TMCC1: variants seen among roughly 807,000 people sequenced by gnomAD.
TMCC1 encodes the protein transmembrane and coiled-coil domains protein 1.
In TMCC1, 15 loss-of-function variants were observed where a neutral mutation model predicts 52.4. That is an observed-to-expected ratio of 0.29 (90% CI 0.19 to 0.44). The LOEUF (loss-of-function observed/expected upper bound fraction) is 0.44. Ranked by LOEUF, TMCC1 falls within the 20% of genes least tolerant of loss-of-function variation. TMCC1 has a pLI of 1.00. For missense variants in TMCC1, 503 were observed against 806.0 expected, an observed-to-expected ratio of 0.62 and a Z score of 4.55; for synonymous variants, 279 against 301.9, an observed-to-expected ratio of 0.92 and a Z score of 0.79.
At chr3:129,735,423 T>G (rs940048737) in intron 4 of TMCC1, among the ~76,000 whole-genome samples, 2 of 152,014 alleles carry the variant, frequency 1.3e-5, no homozygotes, top group African/African-American at 4.8e-5. Flanking sequence ...GCAGGAGGAT[T>G]GCTTGAGGCA....
intron 6 of TMCC1, 115 bp downstream of exon 6, chr3:129,654,853 T>C: frequency 7.2e-7 from 1 of 1,385,956 alleles, no homozygotes; most frequent in Non-Finnish European, 9.8e-7. Flanking sequence ...TCTTACACAG[T>C]TGGTATAAGC....
chr3:129,833,447 G>A (rs183514906), intron 2 of TMCC1, among the ~76,000 whole-genome samples: 188 of 152,276 alleles, frequency 1.2e-3, no homozygotes, highest in Admixed American at 4.3e-3. Flanking sequence ...GTGCACACCT[G>A]TAGTCCCAGC....
intron 4 of TMCC1, among the ~76,000 whole-genome samples, chr3:129,776,879 C>T (rs909897837): frequency 2.6e-5 from 4 of 152,264 alleles, no homozygotes; most frequent in African/African-American, 9.6e-5. Flanking sequence ...AAGCAATCCT[C>T]TCACCTCAGC....
intron 4 of TMCC1, among the ~76,000 whole-genome samples, chr3:129,689,214 A>C (rs868592277): frequency 6.6e-6 from 1 of 152,230 alleles, no homozygotes. Flanking sequence ...AGAGATTAAA[A>C]CATCACAATC....
intron 4 of TMCC1, among the ~76,000 whole-genome samples, chr3:129,768,546 A>G (rs552136791): frequency 6.6e-6 from 1 of 152,246 alleles, no homozygotes; most frequent in South Asian, 2.1e-4. Context: ...CTGCCCTGAG[A>G]AACTTAAACC....
At chr3:129,817,097 T>C (rs2058134485) in intron 4 of TMCC1, among the ~76,000 whole-genome samples, 1 of 152,040 alleles carries the variant, frequency 6.6e-6, no homozygotes, top group Admixed American at 6.6e-5. Context: ...GATTTGATGT[T>C]TATGAGTTAT....
intron 2 of TMCC1, among the ~76,000 whole-genome samples, chr3:129,875,516 A>AC: frequency 6.7e-6 from 1 of 148,702 alleles, no homozygotes; most frequent in African/African-American, 2.5e-5. Flanking sequence ...AAAAAAAAAA[A>AC]CAACACAAAC....
chr3:129,771,815 A>G (rs964313117), intron 4 of TMCC1, among the ~76,000 whole-genome samples: 2 of 150,802 alleles, frequency 1.3e-5, no homozygotes, highest in Admixed American at 1.3e-4. Context: ...AGAAGAAAAA[A>G]CAATTGATGT....
At chr3:129,781,303 A>G (rs1016417079) in intron 4 of TMCC1, among the ~76,000 whole-genome samples, 1 of 152,166 alleles carries the variant, frequency 6.6e-6, no homozygotes, top group Admixed American at 6.6e-5. Flanking sequence ...TTACCACATT[A>G]ATTCACTCAA....
At chr3:129,794,435 GT>G (rs1337594089) in intron 4 of TMCC1, 6 of 453,662 alleles carry the variant, frequency 1.3e-5, no homozygotes, top group Non-Finnish European at 1.8e-5. Context: ...GGGAAAGTCG[GT>G]GGCAGAACAT....
At chr3:129,831,710 A>G (rs2058923825) in intron 3 of TMCC1, among the ~76,000 whole-genome samples, 1 of 152,226 alleles carries the variant, frequency 6.6e-6, no homozygotes, top group South Asian at 2.1e-4. Flanking sequence ...TTAACTCTAT[A>G]AAATTGCTGA....
At chr3:129,722,187 C>T (rs988549729) in intron 4 of TMCC1, among the ~76,000 whole-genome samples, 1 of 152,166 alleles carries the variant, frequency 6.6e-6, no homozygotes, top group African/African-American at 2.4e-5. Flanking sequence ...CCAGGCCACA[C>T]AGTAGGAGGT....
chr3:129,776,788 C>A (rs530805794), intron 4 of TMCC1, among the ~76,000 whole-genome samples: 1 of 152,188 alleles, frequency 6.6e-6, no homozygotes, highest in Admixed American at 6.5e-5. Context: ...AGTCACCATG[C>A]CTAGCTAATT....
chr3:129,670,663 A>G lies in TMCC1; in HGVS notation c.1178T>C (p.Leu393Ser). 3.1e-6 allele frequency: 5 copies of G among 1,614,180 alleles called. No homozygotes were observed. Among genetic ancestry groups the G allele is most frequent in the African/African-American group, 1.3e-5 (1 of 75,054 alleles). ...ADNIPNLKDS[L>S]EEGQVDDAGK... Reference sequence around the variant, plus strand: ...CGCATCATCCACTTGCCCTTCCTCTAAAGAGTCCTTCAGGTTGGGGATGTT... The same window carrying G: ...CGCATCATCCACTTGCCCTTCCTCTGAAGAGTCCTTCAGGTTGGGGATGTT... The change falls in exon 5 of 7, where the codon TTA becomes TCA. Residue 393 changes from leucine (L) to serine (S), a missense_variant. This residue lies in a region of TMCC1 where 38 missense variants were observed against 29.8 expected (regional missense o/e 1.28). Transcript: ENST00000393238.
chr3:129,693,962 C>T (rs1396013175), intron 4 of TMCC1, among the ~76,000 whole-genome samples: 1 of 152,136 alleles, frequency 6.6e-6, no homozygotes, highest in Non-Finnish European at 1.5e-5. Flanking sequence ...GAGAATAATT[C>T]TCATTGACAA....
In TMCC1 at chr3:129,773,545, G is replaced by GA. The variant is rs917400772; in HGVS notation, c.576+54257dup. ...TATAAAGCCAAATTTAAGCAAAATG[G>GA]AAAAAAAATCCCTAAATGCAAAAAG... On this transcript the variant is annotated intron_variant, in intron 4 of 6. Coordinates refer to ENST00000393238, the MANE Select transcript of TMCC1 (RefSeq NM_001017395.5). Among the ~76,000 whole-genome samples, 20 of 151,896 alleles carry GA rather than the reference G, an allele frequency of 1.3e-4. No individual in the cohort carries two copies. The East Asian group carries it at 2.5e-3, about 19-fold the overall frequency.
intron 4 of TMCC1, among the ~76,000 whole-genome samples, chr3:129,724,783 T>C (rs1479681521): frequency 2.0e-5 from 3 of 152,180 alleles, no homozygotes; most frequent in African/African-American, 4.8e-5. Flanking sequence ...AAAGTTCTAT[T>C]CTAGACCAAA....
At chr3:129,736,519 CT>C (rs2050978252) in intron 4 of TMCC1, among the ~76,000 whole-genome samples, 1 of 147,272 alleles carries the variant, frequency 6.8e-6, no homozygotes, top group South Asian at 2.1e-4. Context: ...TTATTATTTT[CT>C]TTTCTTTTTT....
chr3:129,785,920 T>C (rs568065915), intron 4 of TMCC1, among the ~76,000 whole-genome samples: 1 of 140,508 alleles, frequency 7.1e-6, no homozygotes, highest in East Asian at 2.2e-4. Flanking sequence ...ATGTTAGAAC[T>C]TACCCTCACC....
Sources: gnomAD v4.1 joint callset for allele counts (sites outside exome capture counted in the v4.1 genomes callset) on GRCh38, gnomAD v4.1.1 for gene constraint, gnomAD v4.1.1 regional missense constraint, MANE v1.5 for transcripts, NCBI Gene and HGNC (gene_info 2026-07-23, HGNC 2026-07-21) for gene names.